Variants in RNF130 observed in about 807,000 individuals in gnomAD.
RNF130 encodes the protein ring finger protein 130.
Under a neutral mutation model 44.6 loss-of-function variants are expected in RNF130, and 21 were observed. The ratio of observed to expected loss-of-function variants is 0.47; its 90% CI spans 0.33 to 0.68. The LOEUF is 0.68. RNF130 is among the 30% of genes least tolerant of loss of function. The pLI is 0.02. For synonymous variants in RNF130, 214 were observed against 210.4 expected (o/e 1.02, Z -0.15); for missense variants, 479 against 560.6 (o/e 0.85, Z 1.47).
chr5:179,983,670 G>A lies in RNF130; in HGVS notation c.694-3470C>T, dbSNP rs575532201. 7.9e-5 allele frequency among the ~76,000 whole-genome samples: 12 copies of A among 152,200 alleles called. No homozygotes were observed. In the East Asian group the frequency reaches 2.1e-3, roughly 27 times the overall value. ...TTAGGATCAGTTTGTCCATCTCTATGATAAAAGACATCAGGGATTTACAAT... is the reference window on the plus strand; with the variant it reads ...TTAGGATCAGTTTGTCCATCTCTATAATAAAAGACATCAGGGATTTACAAT... On this transcript the variant is annotated intron_variant, in intron 3 of 8. Transcript: ENST00000521389.
chr5:179,943,973 A>C (rs1356483351), intron 7 of RNF130, among the ~76,000 whole-genome samples: 1 of 151,924 alleles, frequency 6.6e-6, no homozygotes, highest in Admixed American at 6.6e-5. Context: ...ATTTCTGAGA[A>C]ATTTTTTTTT....
At chr5:180,042,388 T>C (rs1764440481) in intron 1 of RNF130, among the ~76,000 whole-genome samples, 1 of 152,202 alleles carries the variant, frequency 6.6e-6, no homozygotes, top group Admixed American at 6.5e-5. Flanking sequence ...ACCTACCCTT[T>C]TCCTTAAAAG....
At chr5:180,064,641 C>T (rs1004140424) in intron 1 of RNF130, among the ~76,000 whole-genome samples, 4 of 152,142 alleles carry the variant, frequency 2.6e-5, no homozygotes, top group South Asian at 4.1e-4. Flanking sequence ...GTTTTTAAAC[C>T]TTTCTAGCTT....
intron 2 of RNF130, chr5:180,015,292 G>C (rs750967896): frequency 1.9e-6 from 1 of 517,794 alleles, no homozygotes; most frequent in Non-Finnish European, 4.1e-6. Context: ...AACGGGCCAT[G>C]ATCTGTGGTA....
At chr5:179,936,016 T>A (rs1010004357) in intron 7 of RNF130, among the ~76,000 whole-genome samples, 1 of 152,230 alleles carries the variant, frequency 6.6e-6, no homozygotes, top group African/African-American at 2.4e-5. Context: ...TCCTTTCTGC[T>A]CTTTACTCTT....
intron 7 of RNF130, among the ~76,000 whole-genome samples, chr5:179,947,304 A>G (rs1330356194): frequency 6.6e-6 from 1 of 152,172 alleles, no homozygotes; most frequent in Non-Finnish European, 1.5e-5. Context: ...TGCCCACAGT[A>G]AAGTCCGTGC....
chr5:179,938,110 C>A (rs999676287), intron 7 of RNF130, among the ~76,000 whole-genome samples: 2 of 152,008 alleles, frequency 1.3e-5, no homozygotes, highest in African/African-American at 4.8e-5. Flanking sequence ...GTACGCGGCA[C>A]CACGTCTGGC....
intron 3 of RNF130, chr5:179,980,498 A>C (rs1443834037): frequency 5.9e-6 from 2 of 337,300 alleles, no homozygotes; most frequent in Non-Finnish European, 1.1e-5. Context: ...TGTGTCGAAT[A>C]AACATTTGAA....
At chr5:179,951,958 A>G (rs1762132675), downstream of RNF130, among the ~76,000 whole-genome samples, 1 of 152,024 alleles carries the variant, frequency 6.6e-6, no homozygotes, top group African/African-American at 2.4e-5. Flanking sequence ...AATAAAAAAG[A>G]CCTCAAATCA....
rs1356548688 is a variant in RNF130 at position 179,978,242 on chromosome 5, C to T, written c.809G>A (p.Ser270Asn). 1 of 1,614,114 alleles carries T rather than the reference C, an allele frequency of 6.2e-7. No individual in the cohort carries two copies. Among genetic ancestry groups the T allele is most frequent in the South Asian group, 1.1e-5 (1 of 91,084 alleles). Residue 270 changes from serine (S) to asparagine (N), a missense_variant, in exon 5 of 9, where the codon AGC becomes AAC. This residue lies in a region of RNF130 where 180 missense variants were observed against 275.1 expected (regional missense o/e 0.65). Transcript: ENST00000521389. ...DFDHCAVCIE[S>N]YKQNDVVRIL... ...TCGGACGACATCATTCTGCTTATAG[C>T]TCTCTATGCAGACTGCACAATGATC...
chr5:180,065,527 G>A (rs372911984), intron 1 of RNF130, among the ~76,000 whole-genome samples: 9 of 152,120 alleles, frequency 5.9e-5, no homozygotes, highest in African/African-American at 1.9e-4. Context: ...TTGGGAGGCC[G>A]AGACAGGCGG....
intron 7 of RNF130, among the ~76,000 whole-genome samples, chr5:179,945,961 C>T (rs1762031388): frequency 6.6e-6 from 1 of 152,202 alleles, no homozygotes; most frequent in African/African-American, 2.4e-5. Flanking sequence ...CTGCCTATCA[C>T]TCCCCACGGC....
At chr5:180,027,052 A>C (rs1389938482) in intron 2 of RNF130, among the ~76,000 whole-genome samples, 3 of 152,212 alleles carry the variant, frequency 2.0e-5, no homozygotes, top group Admixed American at 2.0e-4. Context: ...ACCAGTTCTT[A>C]CTAGTTCACA....
intron 1 of RNF130, among the ~76,000 whole-genome samples, chr5:180,046,203 G>T (rs1290271875): frequency 6.6e-6 from 1 of 152,142 alleles, no homozygotes; most frequent in Non-Finnish European, 1.5e-5. Context: ...GCCCCTCACT[G>T]ACCGGGGCAG....
chr5:179,920,053 A>C (rs1330663637), exon 8 of RNF130: 4 of 420,138 alleles, frequency 9.5e-6, no homozygotes, highest in African/African-American at 2.0e-5. Flanking sequence ...TCTTCTCTGG[A>C]AACAGCCAGC....
intron 6 of RNF130, among the ~76,000 whole-genome samples, chr5:179,968,217 C>T (rs1467322730): frequency 6.6e-6 from 1 of 152,076 alleles, no homozygotes; most frequent in Non-Finnish European, 1.5e-5. Context: ...ATGGCATGAA[C>T]CCAGGAGGCG....
chr5:179,924,623 A>T (rs926567388), intron 7 of RNF130, among the ~76,000 whole-genome samples: 3 of 151,656 alleles, frequency 2.0e-5, no homozygotes, highest in African/African-American at 7.3e-5. Context: ...CAACATGGTG[A>T]ATTAAAAATA....
chr5:179,930,388 C>T (rs1761792802), intron 7 of RNF130, among the ~76,000 whole-genome samples: 1 of 152,120 alleles, frequency 6.6e-6, no homozygotes, highest in East Asian at 1.9e-4. Context: ...TATTGTTAGT[C>T]TATAGAAATA....
intron 7 of RNF130, chr5:179,920,504 A>G: frequency 1.5e-6 from 1 of 664,022 alleles, no homozygotes; most frequent in Non-Finnish European, 2.8e-6. Context: ...GAAACAATGC[A>G]GATTATCTTT....
Sources: allele counts gnomAD v4.1 joint callset (sites outside exome capture counted in the v4.1 genomes callset), GRCh38; gene constraint gnomAD v4.1.1; regional missense constraint gnomAD v4.1.1; transcripts MANE v1.5; gene names NCBI Gene and HGNC (gene_info 2026-07-23, HGNC 2026-07-21).